The following STX18 variants were observed in gnomAD, a reference collection of about 807,000 sequenced individuals.
The protein encoded by STX18 is syntaxin-18.
In STX18, 40 loss-of-function variants were observed where a neutral mutation model predicts 50.1. The ratio of observed to expected loss-of-function variants is 0.80; its 90% CI spans 0.62 to 1.04. The LOEUF (loss-of-function observed/expected upper bound fraction) is 1.04, where lower values mean the gene tolerates loss of function less well. STX18 is among the 50% of genes least tolerant of loss of function. The pLI is 0.00. For missense variants in STX18, 410 were observed against 415.8 expected, an observed-to-expected ratio of 0.99 and a Z score of 0.12; for synonymous variants, 158 against 151.8, an observed-to-expected ratio of 1.04 and a Z score of -0.30.
chr4:4,517,609 T>C (rs1378916385), intron 1 of STX18, among the ~76,000 whole-genome samples: 1 of 152,214 alleles, frequency 6.6e-6, no homozygotes, highest in African/African-American at 2.4e-5. Context: ...GATTTATTTA[T>C]AACCTCTTCC....
chr4:4,428,666 A>T (rs956751227), intron 7 of STX18, among the ~76,000 whole-genome samples: 2 of 150,610 alleles, frequency 1.3e-5, no homozygotes, highest in Non-Finnish European at 3.0e-5. Context: ...CAGCCATTTC[A>T]CTCTCCCAGG....
intron 2 of STX18, among the ~76,000 whole-genome samples, chr4:4,466,737 A>G (rs1727638662): frequency 1.3e-5 from 2 of 152,174 alleles, no homozygotes; most frequent in Non-Finnish European, 2.9e-5. Context: ...TAATTGCCCA[A>G]CAGGTTCATC....
intron 8 of STX18, among the ~76,000 whole-genome samples, chr4:4,424,032 C>A (rs1181562925): frequency 6.6e-6 from 1 of 152,154 alleles, no homozygotes; most frequent in African/African-American, 2.4e-5. Flanking sequence ...TGTTAATGCT[C>A]AGCAGGTTAA....
In STX18 at chr4:4,457,207, C is replaced by G; in HGVS notation, c.481G>C (p.Val161Leu). The change falls in exon 5 of 11, where the codon GTG becomes CTG. Residue 161 changes from valine to leucine, a missense_variant. Coordinates refer to ENST00000306200, the MANE Select transcript of STX18 (RefSeq NM_016930.4). ...EQRAIRVKRV[V>L]DKKRLSKLEP... Reference sequence around the variant, plus strand: ...AATACTTACAATCTTTTCTTATCCACCACTCTTTTAACTCGGATGGCTCTC... The same window carrying G: ...AATACTTACAATCTTTTCTTATCCAGCACTCTTTTAACTCGGATGGCTCTC... 2 of 1,614,020 alleles carry G rather than the reference C, an allele frequency of 1.2e-6. No individual in the cohort carries two copies. The highest frequency in any genetic ancestry group is 1.7e-6 in the Non-Finnish European group (2 of 1,179,900).
chr4:4,456,732 G>A (rs752473616), intron 5 of STX18, among the ~76,000 whole-genome samples: 3 of 152,168 alleles, frequency 2.0e-5, no homozygotes, highest in Non-Finnish European at 2.9e-5. Context: ...TTGTGCCCTC[G>A]CTCTTCTCTC....
intron 5 of STX18, among the ~76,000 whole-genome samples, chr4:4,452,929 G>A (rs1291929753): frequency 6.6e-6 from 1 of 152,202 alleles, no homozygotes; most frequent in Non-Finnish European, 1.5e-5. Flanking sequence ...AGACTTCAGT[G>A]GAGGAAGTCA....
chr4:4,522,355 G>C (rs1730546762), intron 1 of STX18, among the ~76,000 whole-genome samples: 2 of 152,156 alleles, frequency 1.3e-5, no homozygotes, highest in South Asian at 2.1e-4. Context: ...TGGAGTAATA[G>C]ACTATACAGC....
chr4:4,430,572 AG>A (rs1388685281), intron 7 of STX18, among the ~76,000 whole-genome samples: 3 of 152,234 alleles, frequency 2.0e-5, no homozygotes, highest in Non-Finnish European at 4.4e-5. Flanking sequence ...TAGAGCTACC[AG>A]TGTTACTGGG....
intron 1 of STX18, among the ~76,000 whole-genome samples, chr4:4,524,086 A>C (rs1445960669): frequency 6.6e-6 from 1 of 152,162 alleles, no homozygotes; most frequent in East Asian, 1.9e-4. Flanking sequence ...ACATTGTCTC[A>C]CTCACGTTTG....
chr4:4,496,282 C>G (rs892379459), intron 1 of STX18, among the ~76,000 whole-genome samples: 2 of 152,124 alleles, frequency 1.3e-5, no homozygotes, highest in African/African-American at 4.8e-5. Context: ...ACCCAAAAAT[C>G]GCTGAGGCTC....
At chr4:4,514,134 G>A (rs138314055) in intron 1 of STX18, among the ~76,000 whole-genome samples, 24 of 152,278 alleles carry the variant, frequency 1.6e-4, no homozygotes, top group Non-Finnish European at 2.4e-4. Flanking sequence ...CTTGAAAGTA[G>A]TAAGTATTCA....
rs1727583078 is a variant in STX18 at position 4,465,598 on chromosome 4, G to A, written c.236+6041C>T. Among the ~76,000 whole-genome samples, 5 of 152,150 alleles carry A rather than the reference G, an allele frequency of 3.3e-5. 1 individual carries two copies. In the South Asian group the frequency reaches 1.0e-3, roughly 32 times the overall value. On this transcript the variant is annotated intron_variant, in intron 2 of 10. Transcript: ENST00000306200. ...AGGCGGTGGGGAACAATACAAACTG[G>A]GGCCTGTTGGAGGATCAGGGGTGGG...
At chr4:4,424,049 A>G (rs950447837) in intron 8 of STX18, among the ~76,000 whole-genome samples, 1 of 152,144 alleles carries the variant, frequency 6.6e-6, no homozygotes, top group Non-Finnish European at 1.5e-5. Context: ...TTAAAGAAAA[A>G]AGTGTATTTA....
At chr4:4,481,700 T>G (rs2108850299) in intron 1 of STX18, 1 of 152,302 alleles carries the variant, frequency 6.6e-6, no homozygotes, top group South Asian at 2.1e-4. Flanking sequence ...AAGTCAGAGC[T>G]AAAAGTTCAG....
At chr4:4,534,578 G>A (rs1379154364) in intron 1 of STX18, among the ~76,000 whole-genome samples, 1 of 152,160 alleles carries the variant, frequency 6.6e-6, no homozygotes, top group African/African-American at 2.4e-5. Context: ...ATCCTGCTTA[G>A]CTCTCCATGT....
chr4:4,447,282 T>A (rs1029948235), intron 5 of STX18, among the ~76,000 whole-genome samples: 1 of 152,098 alleles, frequency 6.6e-6, no homozygotes, highest in African/African-American at 2.4e-5. Context: ...CTTAGCCTGT[T>A]TTCCCACCTA....
chr4:4,487,958 T>C (rs1445401189), intron 1 of STX18, among the ~76,000 whole-genome samples: 1 of 152,150 alleles, frequency 6.6e-6, no homozygotes, highest in Non-Finnish European at 1.5e-5. Flanking sequence ...ATCAAGAATT[T>C]GACATTCTAA....
intron 6 of STX18, among the ~76,000 whole-genome samples, chr4:4,435,457 T>A (rs979981472): frequency 6.6e-6 from 1 of 152,232 alleles, no homozygotes; most frequent in Non-Finnish European, 1.5e-5. Flanking sequence ...TTTGTGTGTA[T>A]GGCGGCTTGC....
rs576799693 is a variant in STX18 at position 4,491,978 on chromosome 4, T to C, written c.169-20272A>G. ...TCTCAGTTCATTTTTTAAAATGAGG[T>C]CTATTTCCTGTAATTTTAGATATTT... On this transcript the variant is annotated intron_variant, in intron 1 of 10. Transcript: ENST00000306200. Among the ~76,000 whole-genome samples the C allele has an allele frequency of 1.1e-3, 162 of 152,278 alleles. No homozygotes were observed. The Middle Eastern group carries it at 0.031, about 29-fold the overall frequency.
Sources: gnomAD v4.1 joint callset for allele counts (sites outside exome capture counted in the v4.1 genomes callset) on GRCh38, gnomAD v4.1.1 for gene constraint, MANE v1.5 for transcripts, NCBI Gene and HGNC (gene_info 2026-07-23, HGNC 2026-07-21) for gene names.